Variants in TPRG1 observed in about 807,000 individuals in gnomAD.
The protein encoded by TPRG1 is tumor protein p63-regulated gene 1 protein.
TPRG1 carries 29 observed loss-of-function variants against 29.3 expected under a neutral mutation model. The observed-to-expected ratio is 0.99, with a 90% CI of 0.74 to 1.35. The LOEUF (loss-of-function observed/expected upper bound fraction) is 1.35. Among genes scored for constraint, TPRG1 ranks in the 40% most tolerant of loss-of-function variants. The pLI is 0.00. For missense variants in TPRG1, 327 were observed against 335.0 expected, an observed-to-expected ratio of 0.98 and a Z score of 0.19; for synonymous variants, 130 against 116.8, an observed-to-expected ratio of 1.11 and a Z score of -0.73.
chr3:189,219,906 C>A, intron 3 of TPRG1: 1 of 312,146 alleles, frequency 3.2e-6, no homozygotes, highest in Non-Finnish European at 4.7e-6. Context: ...TATCCCAGGG[C>A]TTCGGTGTAA....
chr3:188,999,437 T>A (rs1159157152), intron 1 of TPRG1, among the ~76,000 whole-genome samples: 1 of 152,186 alleles, frequency 6.6e-6, no homozygotes, highest in Non-Finnish European at 1.5e-5. Flanking sequence ...CCTATGACAT[T>A]ACATATTTCT....
chr3:189,215,102 A>G (rs1233220007), intron 2 of TPRG1, among the ~76,000 whole-genome samples, 190 bp from the exon 3 acceptor site: 1 of 152,052 alleles, frequency 6.6e-6, no homozygotes, highest in African/African-American at 2.4e-5. Flanking sequence ...CTTTTTCTCT[A>G]CCCAAGGAGA....
chr3:189,020,346 C>T (rs559489571), intron 3 of TPRG1, among the ~76,000 whole-genome samples: 39 of 151,874 alleles, frequency 2.6e-4, no homozygotes, highest in Admixed American at 3.3e-4. Flanking sequence ...TTGGATCTTT[C>T]CTGCTTTCTC....
intron 4 of TPRG1, among the ~76,000 whole-genome samples, chr3:189,069,058 T>C (rs1413095096): frequency 6.6e-6 from 1 of 152,240 alleles, no homozygotes; most frequent in Non-Finnish European, 1.5e-5. Flanking sequence ...TATGAATATT[T>C]ATAGATGCTT....
upstream of TPRG1, among the ~76,000 whole-genome samples, chr3:189,097,818 C>T (rs894136510): frequency 1.3e-5 from 2 of 152,088 alleles, no homozygotes; most frequent in Non-Finnish European, 2.9e-5. Flanking sequence ...AATAATTGGA[C>T]CTTGTGTCTT....
intron 1 of TPRG1, among the ~76,000 whole-genome samples, chr3:189,107,382 T>A (rs556362626): frequency 6.6e-6 from 1 of 152,304 alleles, no homozygotes; most frequent in East Asian, 1.9e-4. Flanking sequence ...ATATTAGTTT[T>A]TGTCCAAAGA....
upstream of TPRG1, among the ~76,000 whole-genome samples, chr3:189,098,365 G>A (rs1211232867): frequency 6.6e-6 from 1 of 152,170 alleles, no homozygotes; most frequent in Non-Finnish European, 1.5e-5. Context: ...TGCTAGAAAG[G>A]CTGTGAACCA....
At chr3:189,080,370 A>C (rs779940665) in intron 4 of TPRG1, among the ~76,000 whole-genome samples, 3 of 152,208 alleles carry the variant, frequency 2.0e-5, no homozygotes, top group Non-Finnish European at 2.9e-5. Flanking sequence ...TATCCACAGT[A>C]GCTGAAGCCA....
intron 4 of TPRG1, among the ~76,000 whole-genome samples, chr3:189,262,242 A>ATAAGTATAAG: frequency 6.6e-6 from 1 of 151,860 alleles, no homozygotes; most frequent in East Asian, 1.9e-4. Flanking sequence ...AAGTATAAGT[A>ATAAGTATAAG]TAAGTATAAG....
intron 3 of TPRG1, among the ~76,000 whole-genome samples, chr3:189,136,947 G>A (rs922482863): frequency 6.6e-6 from 1 of 152,106 alleles, no homozygotes; most frequent in Non-Finnish European, 1.5e-5. Flanking sequence ...TGCTAGGATA[G>A]GTGTATGGAG....
At chr3:189,088,799 C>T (rs1039573996) in intron 4 of TPRG1, among the ~76,000 whole-genome samples, 1 of 152,054 alleles carries the variant, frequency 6.6e-6, no homozygotes, top group African/African-American at 2.4e-5. Flanking sequence ...ATTAGGAGGT[C>T]AAATTAACAT....
intron 4 of TPRG1, among the ~76,000 whole-genome samples, chr3:189,305,565 G>A (rs1243329500): frequency 6.6e-6 from 1 of 152,050 alleles, no homozygotes; most frequent in Non-Finnish European, 1.5e-5. Flanking sequence ...ACTTCTATTG[G>A]TCTGCTATGA....
chr3:189,310,367 G>A lies in TPRG1; in HGVS notation c.480-19G>A. 1.3e-6 allele frequency: 2 copies of A among 1,569,490 alleles called. No homozygotes were observed. Among genetic ancestry groups the A allele is most frequent in the African/African-American group, 1.4e-5 (1 of 72,820 alleles). ...GGAAATGGAAATGACTAATCTAATG[G>A]AAAACGCCTTTCTTGTAGGAGACAA... On this transcript the variant is annotated intron_variant, in intron 4 of 5. Coordinates refer to ENST00000345063, the MANE Select transcript of TPRG1 (RefSeq NM_198485.4).
rs557188760 is a variant in TPRG1 at position 189,026,798 on chromosome 3, A to T, written c.-463+2852A>T. Among the ~76,000 whole-genome samples the T allele has an allele frequency of 3.9e-5, 6 of 152,272 alleles. No individual in the cohort carries two copies. In the South Asian group the frequency reaches 1.2e-3, roughly 32 times the overall value. ...AACATGGAACGAAGCTGTGCTATAG[A>T]CAGTCACATTGGCGAAGGATGGATT... is the stretch of plus-strand genomic sequence containing the variant. On this transcript the variant is annotated intron_variant, in intron 4 of 10. Transcript: ENST00000433971.
At chr3:189,113,740 G>A (rs1298860902) in intron 1 of TPRG1, among the ~76,000 whole-genome samples, 1 of 151,672 alleles carries the variant, frequency 6.6e-6, no homozygotes, top group African/African-American at 2.4e-5. Context: ...GACACAGGAA[G>A]GGGAACATCA....
At chr3:189,156,355 T>A (rs57335282) in intron 5 of TPRG1, among the ~76,000 whole-genome samples, 46,153 of 100,770 alleles carry the variant, frequency 0.46, 9,651 homozygotes, top group African/African-American at 0.65. Context: ...GAACTATAAG[T>A]AAAAAAAAAA....
At chr3:189,242,057 T>C (rs1489927182) in intron 4 of TPRG1, among the ~76,000 whole-genome samples, 1 of 152,168 alleles carries the variant, frequency 6.6e-6, no homozygotes, top group Non-Finnish European at 1.5e-5. Context: ...AGTTTTTGTC[T>C]AGTAATTTTA....
In TPRG1 at chr3:189,317,836, GTA is replaced by G. The variant is rs1329583995; in HGVS notation, c.634-2788_634-2787del. On this transcript the variant is annotated intron_variant, in intron 5 of 5. Transcript: ENST00000345063. The stretch of plus-strand genomic sequence containing the variant: ...GTTTAGCTAAGTTTAAAGTGCACTT[GTA>G]TGTGTGTGCATATATCTGCATGTGT... Among the ~76,000 whole-genome samples the G allele has an allele frequency of 2.6e-5, 4 of 152,264 alleles. 1 individual carries two copies. In the East Asian group the frequency reaches 7.7e-4, roughly 29 times the overall value.
At chr3:189,252,734 T>C (rs1286351565) in intron 4 of TPRG1, among the ~76,000 whole-genome samples, 1 of 152,206 alleles carries the variant, frequency 6.6e-6, no homozygotes, top group South Asian at 2.1e-4. Context: ...TTGGGAGACC[T>C]AACTCATAGG....
Sources: gnomAD v4.1 joint callset for allele counts (sites outside exome capture counted in the v4.1 genomes callset) on GRCh38, gnomAD v4.1.1 for gene constraint, MANE v1.5 for transcripts, NCBI Gene and HGNC (gene_info 2026-07-23, HGNC 2026-07-21) for gene names.